Variants in SMARCC1 observed in about 807,000 individuals in gnomAD.
SMARCC1 encodes SWI/SNF related BAF chromatin remodeling complex subunit C1.
A neutral mutation model predicts 147.4 loss-of-function variants in SMARCC1; 43 were observed. The observed-to-expected ratio is 0.29, with a 90% CI of 0.23 to 0.38. The LOEUF is 0.38. Ranked by LOEUF, SMARCC1 falls within the 10% of genes least tolerant of loss-of-function variation. The probability of loss-of-function intolerance (pLI) is 1.00; values close to 1 mark genes in which losing one functional copy is unlikely to be tolerated. For synonymous variants in SMARCC1, 495 were observed against 484.4 expected (o/e 1.02, Z -0.29); for missense variants, 1,119 against 1,381.1 (o/e 0.81, Z 3.01).
At chr3:47,769,541 T>C (rs543357357) in intron 2 of SMARCC1, among the ~76,000 whole-genome samples, 1 of 151,980 alleles carries the variant, frequency 6.6e-6, no homozygotes, top group Non-Finnish European at 1.5e-5. Flanking sequence ...ATAACACTTT[T>C]ATGTGTTGCC....
At chr3:47,603,968 AG>A (rs1385204717) in intron 26 of SMARCC1, 3 of 455,270 alleles carry the variant, frequency 6.6e-6, no homozygotes, top group Non-Finnish European at 1.3e-5. Flanking sequence ...ATAAGAGCCA[AG>A]GAAGAGCAAT....
intron 1 of SMARCC1, among the ~76,000 whole-genome samples, chr3:47,773,784 C>A (rs1460940535): frequency 6.6e-6 from 1 of 151,890 alleles, no homozygotes; most frequent in African/African-American, 2.4e-5. Context: ...CGCGCAACCA[C>A]CATGCCCGGC....
At chr3:47,663,607 G>T in intron 19 of SMARCC1, 1 of 1,492,208 alleles carries the variant, frequency 6.7e-7, no homozygotes. Context: ...TGCTGCTGTG[G>T]CCCAGACATG....
intron 5 of SMARCC1, among the ~76,000 whole-genome samples, chr3:47,733,984 T>C (rs1163848707): frequency 2.0e-5 from 3 of 151,844 alleles, no homozygotes; most frequent in Admixed American, 6.6e-5. Context: ...TGTGTATATA[T>C]ATACATATGT....
At chr3:47,734,257 T>G (rs2034413413) in intron 5 of SMARCC1, among the ~76,000 whole-genome samples, 1 of 152,114 alleles carries the variant, frequency 6.6e-6, no homozygotes, top group African/African-American at 2.4e-5. Context: ...AAGAGAGATG[T>G]TTAAGGAATC....
At chr3:47,610,026 T>G (rs1559624879) in intron 26 of SMARCC1, 40 bp downstream of exon 26, 1 of 1,606,514 alleles carries the variant, frequency 6.2e-7, no homozygotes. Context: ...GCCTCTGTAG[T>G]GACCATAAGC....
chr3:47,744,860 G>A (rs922822514), intron 3 of SMARCC1, among the ~76,000 whole-genome samples: 1 of 152,146 alleles, frequency 6.6e-6, no homozygotes, highest in Non-Finnish European at 1.5e-5. Context: ...TATCTGCAGG[G>A]ATTCTCAATC....
At chr3:47,657,398 A>G (rs1251068546) in intron 21 of SMARCC1, among the ~76,000 whole-genome samples, 2 of 152,250 alleles carry the variant, frequency 1.3e-5, no homozygotes, top group African/African-American at 4.8e-5. Context: ...TGTAACTAAA[A>G]ATCAGTAAAA....
At chr3:47,644,902 T>C (rs1182797047) in intron 21 of SMARCC1, among the ~76,000 whole-genome samples, 5 of 152,216 alleles carry the variant, frequency 3.3e-5, no homozygotes, top group African/African-American at 1.2e-4. Context: ...TTTCTCAGTA[T>C]CTTTATTAAC....
At position 47,585,893 on chromosome 3, in the gene SMARCC1, T is replaced by C. The variant is rs1368414956; in HGVS notation, c.*2316A>G. 2 of 152,674 alleles carry C rather than the reference T, an allele frequency of 1.3e-5. No homozygotes were observed. The highest frequency in any genetic ancestry group is 6.5e-5 in the Admixed American group (1 of 15,282). The allele number at this position is 152,674 out of a possible 1,614,324, so 9.5% of individuals were successfully genotyped here. A position where few individuals can be genotyped will look rare whatever the true frequency, so the allele number is the denominator to read the frequency against. On this transcript the variant is annotated 3_prime_UTR_variant, in exon 28 of 28. Transcript: ENST00000254480. ...ATGAATGCAGAGAATGGGACTAGAA[T>C]CCAGAAATGGTGTTCCATTTATTCA...
At chr3:47,751,340 A>C (rs954229037) in intron 2 of SMARCC1, among the ~76,000 whole-genome samples, 3 of 151,968 alleles carry the variant, frequency 2.0e-5, no homozygotes, top group African/African-American at 7.2e-5. Flanking sequence ...AAGGAGTTCA[A>C]GACCAGCCTG....
At position 47,693,131 on chromosome 3, in the gene SMARCC1, T is replaced by G. The variant is rs1469382319; in HGVS notation, c.1225+110A>C. ...GCTGTGGTGAGCTATATTACACCAC[T>G]GCACTCCAGCCTGACCAACAGAACA... is the stretch of plus-strand genomic sequence containing the variant. On this transcript the variant is annotated intron_variant, in intron 12 of 27. Transcript: ENST00000254480. 1.1e-5 allele frequency: 8 copies of G among 733,992 alleles called. No individual in the cohort carries two copies. The African/African-American group carries it at 1.4e-4, about 13-fold the overall frequency. The allele number at this position is 733,992 out of a possible 1,614,324, so 45.5% of individuals were successfully genotyped here. A position where few individuals can be genotyped will look rare whatever the true frequency, so the allele number is the denominator to read the frequency against.
intron 3 of SMARCC1, among the ~76,000 whole-genome samples, chr3:47,741,702 C>A (rs1319931884): frequency 3.9e-5 from 6 of 152,040 alleles, no homozygotes; most frequent in African/African-American, 1.4e-4. Context: ...TACTTGTATA[C>A]CTGTTTTCAG....
At chr3:47,750,142 T>A (rs909255241) in intron 2 of SMARCC1, among the ~76,000 whole-genome samples, 13 of 148,810 alleles carry the variant, frequency 8.7e-5, no homozygotes, top group African/African-American at 3.0e-4. Flanking sequence ...CATCTTAAAA[T>A]AGACTAATGT....
In SMARCC1 at chr3:47,586,836, A is replaced by G. The variant is rs2032078436; in HGVS notation, c.*1373T>C. On this transcript the variant is annotated 3_prime_UTR_variant, in exon 28 of 28. Coordinates refer to ENST00000254480, the MANE Select transcript of SMARCC1 (RefSeq NM_003074.4). ...AGAAGGGAGGGAAGGACAAGAGGAA[A>G]AAACCGGGAACTCTCAAGTCACTTA... 1 of 152,624 alleles carries G rather than the reference A, an allele frequency of 6.6e-6. No individual in the cohort carries two copies. Among genetic ancestry groups the G allele is most frequent in the Admixed American group, 6.5e-5 (1 of 15,278 alleles). 9.5% of individuals were successfully genotyped at this position (152,624 alleles called of 1,614,324 possible). A position where few individuals can be genotyped will look rare whatever the true frequency, so the allele number is the denominator to read the frequency against.
chr3:47,615,921 T>C (rs1173262412), intron 25 of SMARCC1, among the ~76,000 whole-genome samples: 1 of 152,130 alleles, frequency 6.6e-6, no homozygotes, highest in African/African-American at 2.4e-5. Context: ...TGACATCAGG[T>C]GATCCACCTG....
chr3:47,650,633 T>C (rs185347750), intron 21 of SMARCC1, among the ~76,000 whole-genome samples: 7 of 151,912 alleles, frequency 4.6e-5, no homozygotes, highest in South Asian at 4.2e-4. Context: ...CTAAGCAACA[T>C]AGTGAGACCC....
chr3:47,679,632 C>A (rs2106760238), intron 15 of SMARCC1, among the ~76,000 whole-genome samples: 1 of 152,190 alleles, frequency 6.6e-6, no homozygotes, highest in African/African-American at 2.4e-5. Flanking sequence ...GAGGCCGAGG[C>A]AAGTGGATCA....
chr3:47,644,147 T>A (rs1278251928), intron 21 of SMARCC1, among the ~76,000 whole-genome samples: 1 of 152,088 alleles, frequency 6.6e-6, no homozygotes, highest in African/African-American at 2.4e-5. Context: ...ACCACTGCAC[T>A]CCAGCCTGGG....
Sources: gnomAD v4.1 joint callset for allele counts (sites outside exome capture counted in the v4.1 genomes callset) on GRCh38, gnomAD v4.1.1 for gene constraint, MANE v1.5 for transcripts, NCBI Gene and HGNC (gene_info 2026-07-23, HGNC 2026-07-21) for gene names.